UNC45B: variants seen among roughly 807,000 people sequenced by gnomAD.
The protein encoded by UNC45B is protein unc-45 homolog B.
Under a neutral mutation model 98.7 loss-of-function variants are expected in UNC45B, and 78 were observed. The observed-to-expected ratio is 0.79, with a 90% confidence interval of 0.66 to 0.95. The LOEUF (loss-of-function observed/expected upper bound fraction) is 0.95, where lower values mean the gene tolerates loss of function less well. Ranked by LOEUF, UNC45B falls within the 40% of genes least tolerant of loss-of-function variation. The pLI, the probability that UNC45B is intolerant of heterozygous loss-of-function variation, is 0.00. For missense variants in UNC45B, 1,225 were observed against 1,184.9 expected, an observed-to-expected ratio of 1.03 and a Z score of -0.50; for synonymous variants, 462 against 480.4, an observed-to-expected ratio of 0.96 and a Z score of 0.50.
At chr17:35,174,148 C>A (rs1171849251) in intron 13 of UNC45B, 94 bp from the exon 14 acceptor site, 4 of 1,548,006 alleles carry the variant, frequency 2.6e-6, no homozygotes, top group Non-Finnish European at 3.5e-6. Context: ...ATTCAACCAA[C>A]CCCAAGAATT....
rs140368481 is a variant in UNC45B, at chr17:35,165,970, G to A, written c.1151+1804G>A. ...AAAAAAGAAAGGCAAAAAGCTGCTG[G>A]CCAGGTGTGGTGGCTCATGCCTGTA... On this transcript the variant is annotated intron_variant, in intron 9 of 19. Coordinates refer to ENST00000394570, the MANE Select transcript of UNC45B (RefSeq NM_001267052.2). Among the ~76,000 whole-genome samples the A allele has an allele frequency of 3.1e-3, 474 of 150,914 alleles. 3 individuals are homozygous for A. Among genetic ancestry groups the A allele is most frequent in the African/African-American group, 0.011 (458 of 41,118 alleles).
rs2092306764 is a variant in UNC45B, at chr17:35,186,720, C to A, written c.*161C>A. On this transcript the variant is annotated 3_prime_UTR_variant, in exon 20 of 20. Coordinates refer to ENST00000394570, the MANE Select transcript of UNC45B (RefSeq NM_001267052.2). Reference sequence around the variant, plus strand: ...TTGTTCTCTGAGTTGTGAGTCTTCTCCTTTGTCCTGACAGAGTTTGGATGT... The same window carrying A: ...TTGTTCTCTGAGTTGTGAGTCTTCTACTTTGTCCTGACAGAGTTTGGATGT... 5 of 772,496 alleles carry A rather than the reference C, an allele frequency of 6.5e-6. No individual in the cohort carries two copies. The highest frequency in any genetic ancestry group is 9.9e-6 in the Non-Finnish European group (5 of 505,866). 47.9% of individuals were successfully genotyped at this position (772,496 alleles called of 1,614,324 possible).
At chr17:35,152,557 C>T (rs1343838948) in intron 4 of UNC45B, among the ~76,000 whole-genome samples, 1 of 152,084 alleles carries the variant, frequency 6.6e-6, no homozygotes, top group Non-Finnish European at 1.5e-5. Context: ...CTGTTTTATC[C>T]CTATTTAAAT....
chr17:35,159,262 T>G lies in UNC45B; in HGVS notation c.809-113T>G, dbSNP rs181672163. The G allele has an allele frequency of 1.4e-4, 142 of 1,018,518 alleles. No individual in the cohort carries two copies. In the East Asian group the frequency reaches 2.8e-3, roughly 20 times the overall value. 63.1% of individuals were successfully genotyped at this position (1,018,518 alleles called of 1,614,324 possible). A position where few individuals can be genotyped will look rare whatever the true frequency, so the allele number is the denominator to read the frequency against. On this transcript the variant is annotated intron_variant, in intron 7 of 19. Coordinates refer to ENST00000394570, the MANE Select transcript of UNC45B (RefSeq NM_001267052.2). ...TATACTCCCCTGGGAATTCACATAT[T>G]CAGGAAGTAGTGGATTCAGTACTTC...
At chr17:35,182,698 C>T (rs1051192638) in intron 18 of UNC45B, among the ~76,000 whole-genome samples, 1 of 152,128 alleles carries the variant, frequency 6.6e-6, no homozygotes, top group Non-Finnish European at 1.5e-5. Flanking sequence ...CCTCCCATGA[C>T]CACTGCTCCA....
At position 35,174,500 on chromosome 17, in the gene UNC45B, G is replaced by T. The variant is rs1434740178; in HGVS notation, c.1958+131G>T. ...AGATAAACTATTGGGAAAGCCTGGAGAAAGGTCTGAGGGGATCAGCTTTGA... is the reference window on the plus strand; with the variant it reads ...AGATAAACTATTGGGAAAGCCTGGATAAAGGTCTGAGGGGATCAGCTTTGA... On this transcript the variant is annotated intron_variant, in intron 14 of 19. Transcript: ENST00000394570. 3.0e-6 allele frequency: 4 copies of T among 1,340,942 alleles called. No homozygotes were observed. In the Admixed American group the frequency reaches 9.2e-5, roughly 31 times the overall value. 83.1% of individuals were successfully genotyped at this position (1,340,942 alleles called of 1,614,324 possible).
chr17:35,174,114 C>G, intron 13 of UNC45B, 128 bp from the exon 14 acceptor site: 1 of 1,339,604 alleles, frequency 7.5e-7, no homozygotes, highest in South Asian at 1.3e-5. Flanking sequence ...CCTGGCCAGG[C>G]CATGGACATC....
chr17:35,188,677 A>G lies in UNC45B; in HGVS notation c.*2118A>G, dbSNP rs1381045734. 1.3e-5 allele frequency: 2 copies of G among 152,100 alleles called. No individual in the cohort carries two copies. The highest frequency in any genetic ancestry group is 2.9e-5 in the Non-Finnish European group (2 of 68,018). 9.4% of individuals were successfully genotyped at this position (152,100 alleles called of 1,614,324 possible). ...TTTTTTGTAGAGACAGGGTCTCACTATGTTGCCCAGTCTGGGAGACCACAT... is the reference window on the plus strand; with the variant it reads ...TTTTTTGTAGAGACAGGGTCTCACTGTGTTGCCCAGTCTGGGAGACCACAT... On this transcript the variant is annotated 3_prime_UTR_variant, in exon 20 of 20. Coordinates refer to ENST00000394570, the MANE Select transcript of UNC45B (RefSeq NM_001267052.2).
chr17:35,185,968 G>A (rs764228071), intron 19 of UNC45B, among the ~76,000 whole-genome samples: 2 of 152,140 alleles, frequency 1.3e-5, no homozygotes, highest in Non-Finnish European at 2.9e-5. Flanking sequence ...CATCTGATTT[G>A]CTTTTGGTGA....
chr17:35,150,338 T>C, intron 4 of UNC45B, 115 bp downstream of exon 4: 1 of 1,157,288 alleles, frequency 8.6e-7, no homozygotes, highest in Non-Finnish European at 1.2e-6. Flanking sequence ...CTCCACACTC[T>C]GAGATAGAGA....
chr17:35,171,052 C>T (rs987147954), intron 12 of UNC45B, among the ~76,000 whole-genome samples: 1 of 152,150 alleles, frequency 6.6e-6, no homozygotes, highest in African/African-American at 2.4e-5. Context: ...TTAGACTGGG[C>T]TTGTGGAAGA....
chr17:35,170,902 C>G lies in UNC45B; in HGVS notation c.1690-420C>G, dbSNP rs149152697. Reference sequence around the variant, plus strand: ...TGGGAACCTGCCCTCCCTCCCAGGCCCCCCCAGACTCCTTTCCTCATCTGC... The same window carrying G: ...TGGGAACCTGCCCTCCCTCCCAGGCGCCCCCAGACTCCTTTCCTCATCTGC... On this transcript the variant is annotated intron_variant, in intron 12 of 19. Coordinates refer to ENST00000394570, the MANE Select transcript of UNC45B (RefSeq NM_001267052.2). Among the ~76,000 whole-genome samples, 18 of 152,116 alleles carry G rather than the reference C, an allele frequency of 1.2e-4. No homozygotes were observed. In the East Asian group the frequency reaches 2.5e-3, roughly 21 times the overall value.
At chr17:35,174,013 G>A (rs113581711) in intron 13 of UNC45B, among the ~76,000 whole-genome samples, 6 of 151,688 alleles carry the variant, frequency 4.0e-5, no homozygotes, top group East Asian at 2.0e-4. Context: ...GGGTTTTACC[G>A]TGTTAGCCAG....
chr17:35,180,253 T>TGAGAGAGAGA lies in UNC45B; in HGVS notation c.2256-279_2256-270dup, dbSNP rs56300196. 0.059 allele frequency among the ~76,000 whole-genome samples: 8,208 copies of TGAGAGAGAGA among 139,746 alleles called. 298 individuals carry two copies. Among genetic ancestry groups the TGAGAGAGAGA allele is most frequent in the Non-Finnish European group, 0.075 (4,885 of 64,818 alleles). The allele number at this position is 139,746 out of a possible 152,430, so 91.7% of individuals were successfully genotyped here. ...CATCTTCTTGGATCTACATCCAGGA[T>TGAGAGAGAGA]GAGAGAGAGAGAGAGAGAGAGAGAG... On this transcript the variant is annotated intron_variant, in intron 17 of 19. Coordinates refer to ENST00000394570, the MANE Select transcript of UNC45B (RefSeq NM_001267052.2).
Position 35,169,852 on chromosome 17 carries a change from G to T in UNC45B, c.1468G>T (p.Gly490Cys). ...IRTLVGLCKL[G>C]SAGGTDYGLR... Reference sequence around the variant, plus strand: ...TCCTCCTCAGGGACTCTGTAAGCTCGGCTCTGCAGGTGGCACAGACTACGG... The same window carrying T: ...TCCTCCTCAGGGACTCTGTAAGCTCTGCTCTGCAGGTGGCACAGACTACGG... The change falls in exon 11 of 20, where the codon GGC becomes TGC. Residue 490 changes from glycine to cysteine, a missense_variant. Gly to Cys is a radical substitution (Grantham distance 159). Transcript: ENST00000394570. 1 of 1,614,114 alleles carries T rather than the reference G, an allele frequency of 6.2e-7. No individual in the cohort carries two copies. The highest frequency in any genetic ancestry group is 1.3e-5 in the African/African-American group (1 of 75,036).
Position 35,180,289 on chromosome 17 carries a change from A to AGAGAGAGAGAGAG in UNC45B, c.2256-270_2256-269insGAGAGAGAGAGAG, listed in dbSNP as rs57021893. Among the ~76,000 whole-genome samples, 24 of 147,288 alleles carry AGAGAGAGAGAGAG rather than the reference A, an allele frequency of 1.6e-4. No individual in the cohort carries two copies. In the East Asian group the frequency reaches 2.2e-3, roughly 13 times the overall value. ...GAGAGAGAGAGAGAGAGAGAGAGAG[A>AGAGAGAGAGAGAG]ATTTCTTTACTGCAATAATACAGAG... On this transcript the variant is annotated intron_variant, in intron 17 of 19. Transcript: ENST00000394570.
rs1242417459 is a variant in UNC45B at position 35,177,492 on chromosome 17, C to A, written c.2140-3C>A. The A allele has an allele frequency of 3.2e-6, 5 of 1,556,050 alleles. No homozygotes were observed. Among genetic ancestry groups the A allele is most frequent in the Non-Finnish European group, 4.4e-6 (5 of 1,148,956 alleles). On this transcript the variant is annotated splice_region_variant and splice_polypyrimidine_tract_variant and intron_variant, in intron 16 of 19. Coordinates refer to ENST00000394570, the MANE Select transcript of UNC45B (RefSeq NM_001267052.2). ...GACCAAACCCTTGACCCCTCCCCAA[C>A]AGGTGTATGAGGTGGTGCGGCCCCT... is the stretch of plus-strand genomic sequence containing the variant.
intron 14 of UNC45B, among the ~76,000 whole-genome samples, chr17:35,175,011 AAG>A (rs1417566463): frequency 1.4e-5 from 2 of 139,104 alleles, no homozygotes; most frequent in African/African-American, 5.7e-5. Context: ...GGAAGAAAGA[AAG>A]GAGGGAAGGA....
intron 5 of UNC45B, among the ~76,000 whole-genome samples, chr17:35,153,231 C>T (rs1338321415): frequency 6.6e-6 from 1 of 152,104 alleles, no homozygotes; most frequent in Non-Finnish European, 1.5e-5. Context: ...TTTTGTTCAT[C>T]ATGGATTTTT....
Sources: allele counts gnomAD v4.1 joint callset (sites outside exome capture counted in the v4.1 genomes callset), GRCh38; gene constraint gnomAD v4.1.1; transcripts MANE v1.5; gene names NCBI Gene and HGNC (gene_info 2026-07-23, HGNC 2026-07-21).